Variants in ADGRA1 observed in about 807,000 individuals in gnomAD.
ADGRA1 encodes adhesion G protein-coupled receptor A1, also known as G-protein coupled receptor 123.
In ADGRA1, 12 loss-of-function variants were observed where a neutral mutation model predicts 21.3. That is an observed-to-expected ratio of 0.56 (90% CI 0.36 to 0.91). The LOEUF (loss-of-function observed/expected upper bound fraction) is 0.91, where lower values mean the gene tolerates loss of function less well. Ranked by LOEUF, ADGRA1 falls within the 40% of genes least tolerant of loss-of-function variation. The pLI, the probability that ADGRA1 is intolerant of heterozygous loss-of-function variation, is 0.01. For missense variants in ADGRA1, 790 were observed against 805.6 expected (o/e 0.98, Z 0.23); for synonymous variants, 385 against 368.8 (o/e 1.04, Z -0.50).
intron 4 of ADGRA1, among the ~76,000 whole-genome samples, chr10:133,101,831 A>G (rs992153957): frequency 6.6e-6 from 1 of 152,182 alleles, no homozygotes; most frequent in African/African-American, 2.4e-5. Context: ...AGCGGCGCAC[A>G]GGGATCTCAC....
intron 2 of ADGRA1, among the ~76,000 whole-genome samples, chr10:133,096,130 G>A (rs957950623): frequency 1.3e-5 from 2 of 152,252 alleles, no homozygotes; most frequent in African/African-American, 4.8e-5. Context: ...TCTGGAGGCT[G>A]GAAGCCTGAG....
intron 5 of ADGRA1, among the ~76,000 whole-genome samples, chr10:133,117,665 T>C (rs970752075): frequency 2.0e-5 from 3 of 152,240 alleles, no homozygotes; most frequent in South Asian, 4.1e-4. Context: ...GAGAAGGGGA[T>C]TGACTGTGTC....
rs577312515 is a variant in ADGRA1, at chr10:133,112,448, G to A, written c.401+9606G>A. Among the ~76,000 whole-genome samples the A allele has an allele frequency of 4.1e-4, 59 of 143,842 alleles. 1 individual carries two copies. The highest frequency in any genetic ancestry group is 1.3e-3 in the East Asian group (6 of 4,572). 94.4% of individuals were successfully genotyped at this position (143,842 alleles called of 152,430 possible). ...GCCATGTCGGTTATTTGGGGTCTAC[G>A]GGCCACGTCAGTTATTTGGGGTCTG... is the stretch of plus-strand genomic sequence containing the variant. On this transcript the variant is annotated intron_variant, in intron 5 of 6. Coordinates refer to ENST00000392607, the MANE Select transcript of ADGRA1 (RefSeq NM_001083909.3).
chr10:133,088,964 G>C (rs966688835), intron 2 of ADGRA1, 52 bp downstream of exon 2: 2 of 1,235,868 alleles, frequency 1.6e-6, no homozygotes, highest in Admixed American at 8.4e-5. Flanking sequence ...GCCGCTGCGG[G>C]GGGGCGGCCA....
chr10:133,128,542 C>G lies in ADGRA1; in HGVS notation c.714C>G (p.His238Gln). ...TCCGGCCAGGCACCCCACCCGCACA[C>G]GATGCCCCCGGCGCCTCCGTGCTGC... The part of the protein sequence containing the change: ...RGIRPGTPPA[H>Q]DAPGASVLQN... The change falls in exon 7 of 7, where the codon CAC (histidine) becomes CAG (glutamine). Residue 238 changes from histidine to glutamine, a missense_variant. His to Gln is a conservative substitution (Grantham distance 24). Transcript: ENST00000392607. 1 of 1,550,660 alleles carries G rather than the reference C, an allele frequency of 6.4e-7. No homozygotes were observed. Among genetic ancestry groups the G allele is most frequent in the Non-Finnish European group, 8.7e-7 (1 of 1,149,212 alleles).
chr10:133,098,453 G>C (rs1851727089), intron 3 of ADGRA1, among the ~76,000 whole-genome samples, 187 bp from the exon 4 acceptor site: 1 of 152,152 alleles, frequency 6.6e-6, no homozygotes, highest in South Asian at 2.1e-4. Flanking sequence ...CTTTCCAGTG[G>C]CCGTCACTCA....
chr10:133,120,851 G>A (rs776358387), intron 5 of ADGRA1, among the ~76,000 whole-genome samples: 1 of 152,166 alleles, frequency 6.6e-6, no homozygotes, highest in East Asian at 1.9e-4. Flanking sequence ...TGAGCTTTTG[G>A]CCTATCTCTG....
At chr10:133,106,703 G>A (rs1320507731) in intron 5 of ADGRA1, among the ~76,000 whole-genome samples, 6 of 152,390 alleles carry the variant, frequency 3.9e-5, no homozygotes, top group African/African-American at 1.4e-4. Flanking sequence ...GTCGAGGTGA[G>A]GCCTGGGCGA....
intron 5 of ADGRA1, among the ~76,000 whole-genome samples, chr10:133,114,852 C>G (rs568826700): frequency 1.2e-4 from 18 of 152,362 alleles, no homozygotes; most frequent in African/African-American, 4.3e-4. Flanking sequence ...CGCCCCTGCG[C>G]CCCTGCACCA....
Position 133,129,891 on chromosome 10 carries a change from T to G in ADGRA1, c.*380T>G. ...CAAAGGACCCACTGAGACCCCAGCA[T>G]GGCCCTGCCCGAGATGCCCTGCTGC... is the stretch of plus-strand genomic sequence containing the variant. On this transcript the variant is annotated 3_prime_UTR_variant, in exon 7 of 7. Transcript: ENST00000392607. 5.0e-6 allele frequency: 1 copy of G among 198,290 alleles called. No individual in the cohort carries two copies. The highest frequency in any genetic ancestry group is 1.0e-5 in the Non-Finnish European group (1 of 96,628). The allele number at this position is 198,290 out of a possible 1,614,324, so 12.3% of individuals were successfully genotyped here.
intron 5 of ADGRA1, among the ~76,000 whole-genome samples, chr10:133,104,769 G>A (rs1044749374): frequency 2.0e-5 from 3 of 152,142 alleles, no homozygotes; most frequent in Non-Finnish European, 2.9e-5. Context: ...GGCTCAGCCT[G>A]TGCACCCCTG....
intron 3 of ADGRA1, 56 bp from the exon 4 acceptor site, chr10:133,098,584 A>C: frequency 1.9e-6 from 3 of 1,561,984 alleles, no homozygotes; most frequent in Non-Finnish European, 2.6e-6. Flanking sequence ...GCTCCCTTCC[A>C]CGCCTCCCCC....
intron 5 of ADGRA1, among the ~76,000 whole-genome samples, chr10:133,120,160 T>C (rs763137675): frequency 4.6e-5 from 7 of 152,222 alleles, no homozygotes; most frequent in Admixed American, 2.0e-4. Flanking sequence ...TCCCAGCACT[T>C]TGGGAGGCCG....
chr10:133,111,279 C>G (rs1158289746), intron 5 of ADGRA1, among the ~76,000 whole-genome samples: 7 of 92,774 alleles, frequency 7.5e-5, no homozygotes, highest in East Asian at 4.8e-4. Context: ...CCCTCCTAAT[C>G]CCACCAGACA....
intron 5 of ADGRA1, among the ~76,000 whole-genome samples, chr10:133,117,499 G>A (rs369558103): frequency 4.6e-5 from 7 of 152,300 alleles, no homozygotes; most frequent in African/African-American, 1.4e-4. Flanking sequence ...GGCAGAGCCC[G>A]GGAGACTGCC....
In ADGRA1 at chr10:133,097,088, A is replaced by G. The variant is rs148775221; in HGVS notation, c.118A>G (p.Ile40Val). The change falls in exon 3 of 7, where the codon ATC becomes GTC. Residue 40 changes from isoleucine (I) to valine (V), a missense_variant. Physicochemically the swap from Ile to Val is conservative, Grantham distance 29. Around this residue, in one of 3 missense-constraint regions of ADGRA1, gnomAD observed 382 missense variants for 415.6 expected, o/e 0.92. Coordinates refer to ENST00000392607, the MANE Select transcript of ADGRA1 (RefSeq NM_001083909.3). ...LCLLASFVTY[I>V]VHQSAIRISR... ...CCTCCTGGCCTCCTTCGTCACCTAC[A>G]TCGTGCACCAGAGGTGAGCCTGGCA... 9 of 1,605,986 alleles carry G rather than the reference A, an allele frequency of 5.6e-6. No individual in the cohort carries two copies. The African/African-American group carries it at 6.7e-5, about 12-fold the overall frequency.
intron 5 of ADGRA1, among the ~76,000 whole-genome samples, chr10:133,107,599 C>G (rs1293670298): frequency 6.6e-6 from 1 of 152,144 alleles, no homozygotes; most frequent in African/African-American, 2.4e-5. Flanking sequence ...AGATGGTTGA[C>G]TTGAGCTCAT....
intron 5 of ADGRA1, among the ~76,000 whole-genome samples, chr10:133,109,425 C>A (rs1489163102): frequency 6.6e-6 from 1 of 152,100 alleles, no homozygotes; most frequent in Non-Finnish European, 1.5e-5. Flanking sequence ...TGACTGCTTG[C>A]CCCCACGACC....
chr10:133,095,338 C>T (rs991775231), intron 2 of ADGRA1, among the ~76,000 whole-genome samples: 1 of 152,198 alleles, frequency 6.6e-6, no homozygotes, highest in African/African-American at 2.4e-5. Flanking sequence ...CCTCAGGGGC[C>T]TCTGTCCAGG....
Sources: allele counts gnomAD v4.1 joint callset (sites outside exome capture counted in the v4.1 genomes callset), GRCh38; gene constraint gnomAD v4.1.1; regional missense constraint gnomAD v4.1.1; transcripts MANE v1.5; gene names NCBI Gene and HGNC (gene_info 2026-07-23, HGNC 2026-07-21).